SIN3B: variants seen among roughly 807,000 people sequenced by gnomAD.
SIN3B encodes SIN3 transcription regulator family member B.
In SIN3B, 19 loss-of-function variants were observed where a neutral mutation model predicts 120.2. The observed-to-expected ratio is 0.16, with a 90% CI of 0.11 to 0.23. The LOEUF is 0.23. SIN3B is among the 10% of genes least tolerant of loss of function. The pLI is 1.00. For synonymous variants in SIN3B, 654 were observed against 653.2 expected (o/e 1.00, Z -0.02); for missense variants, 1,073 against 1,573.0 (o/e 0.68, Z 5.38).
Position 16,876,158 on chromosome 19 carries a change from T to A in SIN3B, c.2696T>A (p.Val899Asp). 6.2e-7 allele frequency: 1 copy of A among 1,612,976 alleles called. No individual in the cohort carries two copies. Among genetic ancestry groups the A allele is most frequent in the Non-Finnish European group, 8.5e-7 (1 of 1,179,902 alleles). Residue 899 changes from valine to aspartate, a missense_variant, in exon 15 of 19, where the codon GTC becomes GAC. Transcript: ENST00000248054. The surrounding 1 kb of genome is among the most constrained non-coding windows in gnomAD (Gnocchi z 7.1). ...AAGGNLSSRC[V>D]RAARETSYQW... The stretch of plus-strand genomic sequence containing the variant: ...GGTGGGAACCTGTCCTCCCGCTGCG[T>A]CCGCGCTGCTAGGGAGACCAGCTAC...
In SIN3B at chr19:16,865,584, G is replaced by T; in HGVS notation, c.1558G>T (p.Ala520Ser). 6.2e-7 allele frequency: 1 copy of T among 1,613,154 alleles called. No individual in the cohort carries two copies. The highest frequency in any genetic ancestry group is 8.5e-7 in the Non-Finnish European group (1 of 1,179,514). ...CATTTATCGCATCTATGGCGACAAG[G>T]CCCCGGAGATCATCGAGAGCCTCAA... ...RAIYRIYGDK[A>S]PEIIESLKKN... Residue 520 changes from alanine to serine, a missense_variant, in exon 11 of 19, where the codon GCC becomes TCC. Transcript: ENST00000248054.
At chr19:16,850,400 G>A (rs550213492) in intron 5 of SIN3B, among the ~76,000 whole-genome samples, 12 of 152,032 alleles carry the variant, frequency 7.9e-5, no homozygotes, top group African/African-American at 2.2e-4. Flanking sequence ...AGCGACACAC[G>A]GCATCCTATT....
chr19:16,877,545 C>T lies in SIN3B; in HGVS notation c.2860C>T (p.His954Tyr), dbSNP rs1440843435. Residue 954 changes from histidine to tyrosine, a missense_variant and splice_region_variant, in exon 17 of 19, where the codon CAC becomes TAC. Physicochemically the swap from His to Tyr is moderately conservative, Grantham distance 83. Around this residue, in one of 7 missense-constraint regions of SIN3B, gnomAD observed 311 missense variants for 400.3 expected, o/e 0.78. Transcript: ENST00000248054. Reference sequence around the variant, plus strand: ...GGGCTGTGTCTCTCCCTGTCCCCAGCACCTGGCTCGGTACGTGGAGCAGTA... The same window carrying T: ...GGGCTGTGTCTCTCCCTGTCCCCAGTACCTGGCTCGGTACGTGGAGCAGTA... ...AQTEDPVEVQHLARYVEQYVG... is the reference protein window; with the variant it reads ...AQTEDPVEVQYLARYVEQYVG... The T allele has an allele frequency of 6.2e-7, 1 of 1,604,834 alleles. No individual in the cohort carries two copies.
intron 4 of SIN3B, chr19:16,846,574 G>T (rs1971481812): frequency 6.0e-6 from 1 of 167,158 alleles, no homozygotes; most frequent in Admixed American, 6.3e-5. Context: ...GTGACTCCGG[G>T]CCAGTAGGTG....
chr19:16,835,846 G>T (rs1443793682), intron 3 of SIN3B, among the ~76,000 whole-genome samples: 1 of 152,100 alleles, frequency 6.6e-6, no homozygotes, highest in Non-Finnish European at 1.5e-5. Context: ...ACAGAGACAG[G>T]GTTTCACCAT....
intron 3 of SIN3B, among the ~76,000 whole-genome samples, chr19:16,836,812 C>A (rs1971354303): frequency 6.6e-6 from 1 of 152,206 alleles, no homozygotes; most frequent in African/African-American, 2.4e-5. Flanking sequence ...ACTTAAGCAG[C>A]CCCTCGACAT....
rs2051654652 is a variant in SIN3B at position 16,878,988 on chromosome 19, A to G, written c.*261A>G. Reference sequence around the variant, plus strand: ...GGGCGGGTGGACGTGCTGGCCGAGGAACAAGCAATCATGTTTGCGTCCCCG... The same window carrying G: ...GGGCGGGTGGACGTGCTGGCCGAGGGACAAGCAATCATGTTTGCGTCCCCG... On this transcript the variant is annotated 3_prime_UTR_variant, in exon 19 of 19. Coordinates refer to ENST00000248054, the MANE Select transcript of SIN3B (RefSeq NM_001297595.2). 4 of 537,434 alleles carry G rather than the reference A, an allele frequency of 7.4e-6. No individual in the cohort carries two copies. Among genetic ancestry groups the G allele is most frequent in the Non-Finnish European group, 1.3e-5 (4 of 304,616 alleles). 33.3% of individuals were successfully genotyped at this position (537,434 alleles called of 1,614,324 possible).
In SIN3B at chr19:16,870,028, GGGA is replaced by G. The variant is rs755155277; in HGVS notation, c.2377_2379del (p.Glu793del). The G allele has an allele frequency of 3.1e-6, 5 of 1,611,656 alleles. No homozygotes were observed. The highest frequency in any genetic ancestry group is 4.2e-6 in the Non-Finnish European group (5 of 1,178,764). On this transcript the variant is annotated inframe_deletion, in exon 13 of 19. Coordinates refer to ENST00000248054, the MANE Select transcript of SIN3B (RefSeq NM_001297595.2). Reference sequence around the variant, plus strand: ...GAGAAGCTGCTGTGTGAGGGCCGCAGGGAGAAGGGCAGCGACCCCGCCATGGAG... The same window carrying G: ...GAGAAGCTGCTGTGTGAGGGCCGCAGGAAGGGCAGCGACCCCGCCATGGAG...
intron 14 of SIN3B, among the ~76,000 whole-genome samples, chr19:16,874,772 TTGGTTTGGTC>T (rs2051565356): frequency 6.6e-6 from 1 of 151,754 alleles, no homozygotes; most frequent in South Asian, 2.1e-4. Context: ...TTGGTTGGTT[TTGGTTTGGTC>T]TGGTTTGGTG....
chr19:16,878,084 C>T, intron 17 of SIN3B, 99 bp from the exon 18 acceptor site: 1 of 1,016,692 alleles, frequency 9.8e-7, no homozygotes, highest in Middle Eastern at 2.1e-4. Flanking sequence ...GGAGGTAGCA[C>T]ATCTTCTGAT....
At chr19:16,871,152 T>G (rs1292253576) in intron 13 of SIN3B, 77 bp from the exon 14 acceptor site, 2 of 1,579,034 alleles carry the variant, frequency 1.3e-6, no homozygotes, top group Admixed American at 3.4e-5. Context: ...TTGTTGGGGC[T>G]CTGTCATGCC....
intron 12 of SIN3B, among the ~76,000 whole-genome samples, chr19:16,868,453 C>T (rs571038941): frequency 3.2e-4 from 49 of 152,318 alleles, no homozygotes; most frequent in Non-Finnish European, 5.4e-4. Flanking sequence ...GGCTGCCCAG[C>T]AGAGGCCCTG....
Position 16,862,820 on chromosome 19 carries a change from G to A in SIN3B, c.1266+261G>A. The A allele has an allele frequency of 7.6e-7, 1 of 1,313,970 alleles. No homozygotes were observed. The highest frequency in any genetic ancestry group is 1.1e-6 in the Non-Finnish European group (1 of 909,620). The allele number at this position is 1,313,970 out of a possible 1,614,324, so 81.4% of individuals were successfully genotyped here. ...GCTTATTCATCTGTTATTTGACTTA[G>A]GTTTATTGCTGCCATGATTCTGCTC... On this transcript the variant is annotated intron_variant, in intron 9 of 18. Transcript: ENST00000248054. The surrounding 1 kb of genome is among the most constrained non-coding windows in gnomAD (Gnocchi z 4.7).
In SIN3B at chr19:16,879,910, A is replaced by G. The variant is rs1320655479; in HGVS notation, c.*1183A>G. On this transcript the variant is annotated 3_prime_UTR_variant, in exon 19 of 19. Transcript: ENST00000248054. Reference sequence around the variant, plus strand: ...ATAACCGCCACCCTTGCCATCCTGCAACAGCTGGACTCAAGTTTCCAGGAA... The same window carrying G: ...ATAACCGCCACCCTTGCCATCCTGCGACAGCTGGACTCAAGTTTCCAGGAA... 3 of 152,250 alleles carry G rather than the reference A, an allele frequency of 2.0e-5. No homozygotes were observed. The highest frequency in any genetic ancestry group is 1.5e-5 in the Non-Finnish European group (1 of 68,078). 9.4% of individuals were successfully genotyped at this position (152,250 alleles called of 1,614,324 possible).
At chr19:16,848,943 T>C (rs1971512140) in intron 5 of SIN3B, among the ~76,000 whole-genome samples, 1 of 152,250 alleles carries the variant, frequency 6.6e-6, no homozygotes, top group African/African-American at 2.4e-5. Context: ...CAGTCCATGG[T>C]TTCTTTAAGT....
intron 3 of SIN3B, among the ~76,000 whole-genome samples, chr19:16,839,038 T>C (rs1158538426): frequency 6.9e-6 from 1 of 144,910 alleles, no homozygotes; most frequent in African/African-American, 2.6e-5. Context: ...CGGTGGTGCA[T>C]TGTCGGCTCA....
intron 13 of SIN3B, among the ~76,000 whole-genome samples, chr19:16,870,875 G>C (rs1370172361): frequency 6.6e-6 from 1 of 152,078 alleles, no homozygotes; most frequent in Non-Finnish European, 1.5e-5. Flanking sequence ...ATTTTTAATA[G>C]AGACAGGATT....
At chr19:16,833,236 A>G (rs1358568093) in intron 3 of SIN3B, among the ~76,000 whole-genome samples, 1 of 152,190 alleles carries the variant, frequency 6.6e-6, no homozygotes, top group Non-Finnish European at 1.5e-5. Context: ...AGAGCGTCCA[A>G]TCAATTAGGG....
intron 14 of SIN3B, 117 bp downstream of exon 14, chr19:16,871,515 C>A: frequency 1.1e-6 from 1 of 950,828 alleles, no homozygotes; most frequent in Non-Finnish European, 1.5e-6. Flanking sequence ...CCTGTTTTTT[C>A]TTAATTGAGA....
Sources: gnomAD v4.1 joint callset for allele counts (sites outside exome capture counted in the v4.1 genomes callset) on GRCh38, gnomAD v4.1.1 for gene constraint, gnomAD v4.1.1 regional missense constraint, Gnocchi (gnomAD v3.1) non-coding constraint, MANE v1.5 for transcripts, NCBI Gene and HGNC (gene_info 2026-07-23, HGNC 2026-07-21) for gene names.